The following CAMK2G variants were observed in gnomAD, a reference collection of about 807,000 sequenced individuals.
The protein encoded by CAMK2G is calcium/calmodulin-dependent protein kinase type II subunit gamma.
In CAMK2G, 23 loss-of-function variants were observed where a neutral mutation model predicts 88.7. That is an observed-to-expected ratio of 0.26 (90% CI 0.19 to 0.37). CAMK2G has a LOEUF of 0.37. CAMK2G is among the 10% of genes least tolerant of loss of function. The pLI, the probability that CAMK2G is intolerant of heterozygous loss-of-function variation, is 1.00. For synonymous variants in CAMK2G, 263 were observed against 294.8 expected (o/e 0.89, Z 1.11); for missense variants, 476 against 780.8 (o/e 0.61, Z 4.65).
intron 14 of CAMK2G, among the ~76,000 whole-genome samples, chr10:73,835,305 T>G (rs1374107319): frequency 6.6e-6 from 1 of 151,974 alleles, no homozygotes; most frequent in African/African-American, 2.4e-5. Context: ...GTATCTTTTT[T>G]TTTTTTTTGA....
rs568354937 is a variant in CAMK2G, at chr10:73,848,474, G to A, written c.601+52C>T. Reference sequence around the variant, plus strand: ...GCGATGCCTCTTTCTTGCCATCATCGGAAGTTGAGGGCCCTTAACAGCGAA... The same window carrying A: ...GCGATGCCTCTTTCTTGCCATCATCAGAAGTTGAGGGCCCTTAACAGCGAA... On this transcript the variant is annotated intron_variant, in intron 8 of 22. Coordinates refer to ENST00000423381, the MANE Select transcript of CAMK2G (RefSeq NM_001367534.1). The surrounding 1 kb of genome is among the most constrained non-coding windows in gnomAD (Gnocchi z 4.5). The A allele has an allele frequency of 6.1e-6, 7 of 1,142,016 alleles. No homozygotes were observed. The highest frequency in any genetic ancestry group is 2.4e-5 in the East Asian group (1 of 42,374). The allele number at this position is 1,142,016 out of a possible 1,614,324, so 70.7% of individuals were successfully genotyped here.
At position 73,826,027 on chromosome 10, in the gene CAMK2G, G is replaced by T. The variant is rs148499273; in HGVS notation, c.1087-680C>A. Among the ~76,000 whole-genome samples the T allele has an allele frequency of 1.4e-4, 22 of 152,230 alleles. No homozygotes were observed. The East Asian group carries it at 3.9e-3, about 27-fold the overall frequency. On this transcript the variant is annotated intron_variant, in intron 15 of 22. Transcript: ENST00000423381. ...CGGGGAGGGGCAGGTGAAACCCAGC[G>T]GGGCTGTAGCTGTAGTCCCAGAATC...
intron 4 of CAMK2G, 119 bp from the exon 5 acceptor site, chr10:73,852,438 T>G: frequency 1.3e-6 from 1 of 764,968 alleles, no homozygotes; most frequent in Non-Finnish European, 2.3e-6. Flanking sequence ...CAACTCCCCA[T>G]GCATTTCATC....
At chr10:73,867,969 TG>T (rs1261830687) in intron 2 of CAMK2G, among the ~76,000 whole-genome samples, 1 of 152,166 alleles carries the variant, frequency 6.6e-6, no homozygotes, top group Non-Finnish European at 1.5e-5. Flanking sequence ...CCAGCGGTCC[TG>T]CGGCAGATCT....
rs2093845176 is a variant in CAMK2G at position 73,842,167 on chromosome 10, A to G, written c.946+2T>C. 1 of 1,610,812 alleles carries G rather than the reference A, an allele frequency of 6.2e-7. No individual in the cohort carries two copies. Among genetic ancestry groups the G allele is most frequent in the African/African-American group, 1.3e-5 (1 of 74,828 alleles). On this transcript the variant is annotated splice_donor_variant, in intron 12 of 22. Coordinates refer to ENST00000423381, the MANE Select transcript of CAMK2G (RefSeq NM_001367534.1). LOFTEE classifies it high-confidence loss of function. The surrounding 1 kb of genome is among the most constrained non-coding windows in gnomAD (Gnocchi z 4.6). ...TCAAAGTACACAGCTGGGAAAACATACCTGAGAAGTTCCTGGAGACAAGCA... is the reference window on the plus strand; with the variant it reads ...TCAAAGTACACAGCTGGGAAAACATGCCTGAGAAGTTCCTGGAGACAAGCA...
At chr10:73,872,378 C>T (rs1011377810) in intron 2 of CAMK2G, among the ~76,000 whole-genome samples, 1 of 152,224 alleles carries the variant, frequency 6.6e-6, no homozygotes, top group Non-Finnish European at 1.5e-5. Context: ...ACCCTCCACC[C>T]AGGACAGACT....
chr10:73,852,640 C>T (rs1317878330), intron 4 of CAMK2G: 1 of 371,056 alleles, frequency 2.7e-6, no homozygotes, highest in East Asian at 5.4e-5. Context: ...TTGAGACCAA[C>T]ATAAACACTA....
rs1177359936 is a variant in CAMK2G, at chr10:73,837,484, G to A, written c.1037C>T (p.Ser346Leu). The A allele has an allele frequency of 5.0e-6, 8 of 1,613,468 alleles. No homozygotes were observed. The African/African-American group carries it at 9.3e-5, about 19-fold the overall frequency. The change falls in exon 14 of 23, where the codon TCG becomes TTG. Residue 346 changes from serine to leucine, a missense_variant. Around this residue, in one of 3 missense-constraint regions of CAMK2G, gnomAD observed 278 missense variants for 366.5 expected, o/e 0.76. Coordinates refer to ENST00000423381, the MANE Select transcript of CAMK2G (RefSeq NM_001367534.1). ...GACACTTACCTTGACACCGCCATCCGACTTCTTGTTCAATAGGCTTTTGGC... is the reference window on the plus strand; with the variant it reads ...GACACTTACCTTGACACCGCCATCCAACTTCTTGTTCAATAGGCTTTTGGC... ...QAAKSLLNKK[S>L]DGGVKKRKSS...
intron 15 of CAMK2G, 41 bp downstream of exon 15, chr10:73,828,048 G>A (rs777813460): frequency 5.1e-6 from 8 of 1,578,254 alleles, no homozygotes; most frequent in Non-Finnish European, 7.0e-6. Context: ...GGCGGGCACA[G>A]GCAGCATGGA....
In CAMK2G at chr10:73,842,367, A is replaced by G. The variant is rs969071929; in HGVS notation, c.903+91T>C. On this transcript the variant is annotated intron_variant, in intron 11 of 22. Coordinates refer to ENST00000423381, the MANE Select transcript of CAMK2G (RefSeq NM_001367534.1). This position sits in a 1 kb window ranked among gnomAD's most constrained non-coding sequence, Gnocchi z 4.6. The stretch of plus-strand genomic sequence containing the variant: ...CAACCTTCAGAGCCCAGCTCCAGCC[A>G]GGAGGGGAGCTTCCTTCTGAAATGG... 10 of 1,184,468 alleles carry G rather than the reference A, an allele frequency of 8.4e-6. No homozygotes were observed. The Admixed American group carries it at 1.2e-4, about 14-fold the overall frequency. 73.4% of individuals were successfully genotyped at this position (1,184,468 alleles called of 1,614,324 possible).
At chr10:73,870,140 AG>A (rs1470209988) in intron 2 of CAMK2G, among the ~76,000 whole-genome samples, 2 of 152,202 alleles carry the variant, frequency 1.3e-5, no homozygotes, top group African/African-American at 2.4e-5. Flanking sequence ...AGGCTCCTTG[AG>A]GGGGGTGCTC....
At chr10:73,873,118 A>G (rs1244980741) in intron 1 of CAMK2G, 35 bp from the exon 2 acceptor site, 2 of 1,403,074 alleles carry the variant, frequency 1.4e-6, no homozygotes, top group South Asian at 1.2e-5. Flanking sequence ...TGGGACACGG[A>G]GCAGGGCAGA....
chr10:73,825,234 G>A, intron 16 of CAMK2G, 45 bp downstream of exon 16: 1 of 1,381,054 alleles, frequency 7.2e-7, no homozygotes. Flanking sequence ...GAAGGGGCAG[G>A]AGGCAGCCAG....
At chr10:73,838,198 A>G (rs961460342) in intron 13 of CAMK2G, among the ~76,000 whole-genome samples, 6 of 152,180 alleles carry the variant, frequency 3.9e-5, no homozygotes, top group African/African-American at 1.4e-4. Context: ...CAGGCTGATG[A>G]GCTCTGTGCC....
intron 21 of CAMK2G, 66 bp from the exon 22 acceptor site, chr10:73,815,313 T>C: frequency 1.9e-6 from 2 of 1,051,570 alleles, no homozygotes; most frequent in Admixed American, 1.8e-5. Context: ...CCTCCCAGCC[T>C]GCACTTCCAA....
chr10:73,815,372 C>CG (rs2085071212), intron 21 of CAMK2G, 125 bp from the exon 22 acceptor site: 2 of 655,184 alleles, frequency 3.1e-6, no homozygotes, highest in South Asian at 1.9e-5. Flanking sequence ...AAGTACCGCC[C>CG]CCCCCCACCC....
chr10:73,820,944 G>A (rs927095064), intron 18 of CAMK2G, among the ~76,000 whole-genome samples: 8 of 151,956 alleles, frequency 5.3e-5, no homozygotes, highest in Non-Finnish European at 1.2e-4. Context: ...CAAAGTGTTG[G>A]GATTACAGGC....
At chr10:73,860,950 G>T (rs1054661372) in intron 2 of CAMK2G, 61 bp from the exon 3 acceptor site, 4 of 1,177,252 alleles carry the variant, frequency 3.4e-6, no homozygotes, top group African/African-American at 3.0e-5. Context: ...TGGTCACCTT[G>T]TTATTCATAT....
chr10:73,844,067 A>C lies in CAMK2G; in HGVS notation c.820-1526T>G, dbSNP rs939523191. Among the ~76,000 whole-genome samples the C allele has an allele frequency of 2.0e-5, 3 of 151,944 alleles. No individual in the cohort carries two copies. In the East Asian group the frequency reaches 5.8e-4, roughly 29 times the overall value. ...TGGACTAGATTCTTCTCTATAGATT[A>C]TAGTTAAGCCTCTCCTTAAACAAAA... is the stretch of plus-strand genomic sequence containing the variant. On this transcript the variant is annotated intron_variant, in intron 10 of 22. Transcript: ENST00000423381.
Sources: gnomAD v4.1 joint callset for allele counts (sites outside exome capture counted in the v4.1 genomes callset) on GRCh38, gnomAD v4.1.1 for gene constraint, gnomAD v4.1.1 regional missense constraint, Gnocchi (gnomAD v3.1) non-coding constraint, MANE v1.5 for transcripts, NCBI Gene and HGNC (gene_info 2026-07-23, HGNC 2026-07-21) for gene names.